Variants in PTPRD observed in about 807,000 individuals in gnomAD.
PTPRD encodes receptor-type tyrosine-protein phosphatase delta.
A neutral mutation model predicts 214.5 loss-of-function variants in PTPRD; 34 were observed. The observed-to-expected ratio is 0.16, with a 90% CI of 0.12 to 0.21. The LOEUF is 0.21. PTPRD is among the 10% of genes least tolerant of loss of function. The probability of loss-of-function intolerance (pLI) is 1.00; values close to 1 mark genes in which losing one functional copy is unlikely to be tolerated. For missense variants in PTPRD, 2,545 were observed against 2,398.7 expected (o/e 1.06, Z -1.27); for synonymous variants, 1,128 against 845.7 (o/e 1.33, Z -5.79).
chr9:9,778,334 G>A (rs923527669), intron 5 of PTPRD, among the ~76,000 whole-genome samples: 1 of 152,128 alleles, frequency 6.6e-6, no homozygotes, highest in Admixed American at 6.6e-5. Flanking sequence ...AGGGTAAGCT[G>A]TGTCCTCCAT....
intron 21 of PTPRD, among the ~76,000 whole-genome samples, chr9:8,508,396 T>C (rs970093874): frequency 6.6e-6 from 1 of 152,202 alleles, no homozygotes; most frequent in Non-Finnish European, 1.5e-5. Context: ...AGGGTGTCGC[T>C]GGCACATCTA....
intron 11 of PTPRD, among the ~76,000 whole-genome samples, chr9:8,930,067 C>G (rs975463056): frequency 6.6e-6 from 1 of 151,660 alleles, no homozygotes; most frequent in Non-Finnish European, 1.5e-5. Flanking sequence ...CCCATTAACT[C>G]GTCATTTACA....
intron 9 of PTPRD, among the ~76,000 whole-genome samples, chr9:9,221,630 C>T (rs1026255508): frequency 3.3e-5 from 5 of 151,896 alleles, no homozygotes; most frequent in African/African-American, 1.2e-4. Context: ...CATAAGGACC[C>T]CAATCTGTAA....
intron 5 of PTPRD, among the ~76,000 whole-genome samples, chr9:9,856,848 C>G (rs10816209): frequency 0.13 from 19,894 of 151,912 alleles, 1,661 homozygotes; most frequent in Non-Finnish European, 0.18. Flanking sequence ...GATAAGTGAG[C>G]TGAGAAGGAG....
At chr9:8,813,406 T>G (rs2096855525) in intron 11 of PTPRD, among the ~76,000 whole-genome samples, 2 of 152,178 alleles carry the variant, frequency 1.3e-5, no homozygotes, top group Non-Finnish European at 2.9e-5. Context: ...CAATGCATGC[T>G]ATTCCTTTTC....
At position 10,579,160 on chromosome 9, in the gene PTPRD, T is replaced by C. The variant is rs559962812; in HGVS notation, c.-600+33238A>G. Among the ~76,000 whole-genome samples, 5 of 152,276 alleles carry C rather than the reference T, an allele frequency of 3.3e-5. No homozygotes were observed. The South Asian group carries it at 8.3e-4, about 25-fold the overall frequency. ...CAGCCATAAAAAAAGAATGAGATCA[T>C]GTCCTTTGCAGGTACATAGATGAAG... On this transcript the variant is annotated intron_variant, in intron 2 of 45. Transcript: ENST00000381196.
chr9:9,739,053 A>T (rs1452792985), intron 6 of PTPRD, among the ~76,000 whole-genome samples: 2 of 152,202 alleles, frequency 1.3e-5, no homozygotes, highest in Non-Finnish European at 2.9e-5. Flanking sequence ...AATCTGGTAC[A>T]TTCCTTTCAA....
At chr9:8,987,560 G>T (rs988160381) in intron 11 of PTPRD, among the ~76,000 whole-genome samples, 14 of 152,104 alleles carry the variant, frequency 9.2e-5, no homozygotes, top group Admixed American at 2.0e-4. Context: ...TTGATCACAT[G>T]ATATGTGCCA....
intron 5 of PTPRD, among the ~76,000 whole-genome samples, chr9:9,855,326 C>G (rs2061343183): frequency 1.3e-5 from 2 of 152,124 alleles, no homozygotes; most frequent in African/African-American, 2.4e-5. Flanking sequence ...ACAAACTTCT[C>G]CCCAGCTGAA....
intron 9 of PTPRD, among the ~76,000 whole-genome samples, chr9:9,371,918 C>T (rs570086670): frequency 6.6e-6 from 1 of 152,200 alleles, no homozygotes; most frequent in Non-Finnish European, 1.5e-5. Context: ...TGTAGTTGAG[C>T]AGTTTTGAGT....
chr9:10,589,071 G>A (rs897707834), intron 2 of PTPRD, among the ~76,000 whole-genome samples: 3 of 152,014 alleles, frequency 2.0e-5, no homozygotes, highest in Non-Finnish European at 4.4e-5. Flanking sequence ...ATTGCATAGA[G>A]TTGTCTCATG....
Position 8,471,196 on chromosome 9 carries a change from G to T in PTPRD, c.3414-111C>A, listed in dbSNP as rs1282447983. ...GGTTGAAGGCAAATTATGGATATGG[G>T]GTGACTTGTCCATTTCTTACATCAA... On this transcript the variant is annotated intron_variant, in intron 30 of 45. Coordinates refer to ENST00000381196, the MANE Select transcript of PTPRD (RefSeq NM_002839.4). 5.0e-6 allele frequency: 4 copies of T among 805,008 alleles called. No homozygotes were observed. The East Asian group carries it at 7.5e-5, about 15-fold the overall frequency. 49.9% of individuals were successfully genotyped at this position (805,008 alleles called of 1,614,324 possible).
At chr9:9,504,813 T>C (rs1320185061) in intron 8 of PTPRD, among the ~76,000 whole-genome samples, 1 of 151,664 alleles carries the variant, frequency 6.6e-6, no homozygotes, top group African/African-American at 2.4e-5. Context: ...ATTACAAGAT[T>C]GAAAATCAAT....
intron 10 of PTPRD, among the ~76,000 whole-genome samples, chr9:9,071,657 A>T (rs910145017): frequency 6.6e-6 from 1 of 152,182 alleles, no homozygotes; most frequent in Non-Finnish European, 1.5e-5. Flanking sequence ...AACTTGAATG[A>T]AACTAGAAGA....
At chr9:8,443,994 T>C (rs540329664) in intron 34 of PTPRD, among the ~76,000 whole-genome samples, 2 of 152,300 alleles carry the variant, frequency 1.3e-5, no homozygotes, top group East Asian at 3.9e-4. Flanking sequence ...CCAGAGGGTG[T>C]CAAACCTTCA....
intron 7 of PTPRD, among the ~76,000 whole-genome samples, chr9:9,675,113 A>G (rs929076899): frequency 6.6e-6 from 1 of 151,954 alleles, no homozygotes; most frequent in Non-Finnish European, 1.5e-5. Flanking sequence ...TGACAAACAC[A>G]ATCTGATGGC....
At chr9:8,959,534 C>T (rs1222339501) in intron 11 of PTPRD, among the ~76,000 whole-genome samples, 1 of 151,888 alleles carries the variant, frequency 6.6e-6, no homozygotes, top group African/African-American at 2.4e-5. Flanking sequence ...TCATGGTAGG[C>T]ATTTTGGGCT....
intron 4 of PTPRD, among the ~76,000 whole-genome samples, chr9:9,971,547 A>C (rs1189710716): frequency 6.6e-6 from 1 of 152,216 alleles, no homozygotes; most frequent in African/African-American, 2.4e-5. Context: ...AGGCTTAGAA[A>C]CTAATGAGTT....
intron 9 of PTPRD, among the ~76,000 whole-genome samples, chr9:9,253,487 G>A (rs2099976307): frequency 7.3e-6 from 1 of 137,440 alleles, no homozygotes; most frequent in Non-Finnish European, 1.7e-5. Context: ...TTTTGAGCTT[G>A]ACTGCACTTG....
Sources: allele counts gnomAD v4.1 joint callset (sites outside exome capture counted in the v4.1 genomes callset), GRCh38; gene constraint gnomAD v4.1.1; transcripts MANE v1.5; gene names NCBI Gene and HGNC (gene_info 2026-07-23, HGNC 2026-07-21).